Variants in GSK3B observed in about 807,000 individuals in gnomAD.
The protein encoded by GSK3B is glycogen synthase kinase-3 beta.
Under a neutral mutation model 56.4 loss-of-function variants are expected in GSK3B, and 15 were observed. That is an observed-to-expected ratio of 0.27 (90% CI 0.18 to 0.41). The LOEUF (loss-of-function observed/expected upper bound fraction) is 0.41, where lower values mean the gene tolerates loss of function less well. Among genes scored for constraint, GSK3B ranks in the 10% least tolerant of loss-of-function variants. The pLI, the probability that GSK3B is intolerant of heterozygous loss-of-function variation, is 1.00. For synonymous variants in GSK3B, 181 were observed against 188.9 expected, an observed-to-expected ratio of 0.96 and a Z score of 0.34; for missense variants, 300 against 513.4, an observed-to-expected ratio of 0.58 and a Z score of 4.02.
chr3:119,846,292 G>GAC (rs1374611657), intron 9 of GSK3B, among the ~76,000 whole-genome samples: 1 of 152,112 alleles, frequency 6.6e-6, no homozygotes, highest in African/African-American at 2.4e-5. Context: ...AGCCAAAATT[G>GAC]ACAAATGGTC....
At chr3:119,850,346 C>T (rs960501488) in intron 9 of GSK3B, among the ~76,000 whole-genome samples, 1 of 152,092 alleles carries the variant, frequency 6.6e-6, no homozygotes. Context: ...AACTTCTACA[C>T]CCCATTGTTC....
At chr3:120,013,466 C>G (rs2107500487) in intron 1 of GSK3B, among the ~76,000 whole-genome samples, 1 of 152,198 alleles carries the variant, frequency 6.6e-6, no homozygotes, top group South Asian at 2.1e-4. Context: ...AAAAGTCATG[C>G]CACAGTCTAA....
intron 3 of GSK3B, among the ~76,000 whole-genome samples, chr3:119,927,669 G>A (rs1037378482): frequency 1.3e-5 from 2 of 152,062 alleles, no homozygotes; most frequent in Admixed American, 6.6e-5. Context: ...AGAGGTCAAG[G>A]CAAAACTCAG....
At position 119,871,274 on chromosome 3, in the gene GSK3B, T is replaced by C. The variant is rs147856516; in HGVS notation, c.909+5139A>G. Among the ~76,000 whole-genome samples the C allele has an allele frequency of 8.5e-5, 13 of 152,326 alleles. No individual in the cohort carries two copies. The East Asian group carries it at 2.5e-3, about 29-fold the overall frequency. The stretch of plus-strand genomic sequence containing the variant: ...AGCCAGTTAGAAACACTAGTATTGA[T>C]TCACTATGAAGCATATTGACAGTGT... On this transcript the variant is annotated intron_variant, in intron 8 of 10. Coordinates refer to ENST00000264235, the MANE Select transcript of GSK3B (RefSeq NM_001146156.2).
At chr3:119,918,136 C>A (rs2056800265) in intron 4 of GSK3B, among the ~76,000 whole-genome samples, 1 of 152,006 alleles carries the variant, frequency 6.6e-6, no homozygotes, top group East Asian at 1.9e-4. Context: ...ATGTATTTTG[C>A]CATATTTTAT....
At chr3:119,908,613 T>G (rs1240612773) in intron 6 of GSK3B, among the ~76,000 whole-genome samples, 1 of 152,222 alleles carries the variant, frequency 6.6e-6, no homozygotes, top group East Asian at 1.9e-4. Context: ...ATATATGCCA[T>G]GTACCACAGC....
At chr3:119,975,198 G>C (rs1054652354) in intron 2 of GSK3B, among the ~76,000 whole-genome samples, 24 of 152,194 alleles carry the variant, frequency 1.6e-4, no homozygotes, top group Admixed American at 1.4e-3. Context: ...TGTAATCCCA[G>C]AACTTTGGAA....
At chr3:119,848,307 T>G (rs1484127253) in intron 9 of GSK3B, among the ~76,000 whole-genome samples, 2 of 152,212 alleles carry the variant, frequency 1.3e-5, no homozygotes, top group Non-Finnish European at 2.9e-5. Flanking sequence ...TGTCACAGTT[T>G]GAAGGAACAA....
chr3:120,052,199 A>G (rs1026629519), intron 1 of GSK3B, among the ~76,000 whole-genome samples: 2 of 152,250 alleles, frequency 1.3e-5, no homozygotes, highest in Non-Finnish European at 1.5e-5. Flanking sequence ...ACAGGGCTCT[A>G]AAATGTTTAA....
chr3:120,011,145 G>T (rs185495628), intron 1 of GSK3B, among the ~76,000 whole-genome samples: 116 of 152,236 alleles, frequency 7.6e-4, no homozygotes, highest in African/African-American at 2.5e-3. Context: ...ACTGTCTGGG[G>T]TCCAACCAAA....
chr3:119,968,855 G>A (rs945488786), intron 2 of GSK3B, among the ~76,000 whole-genome samples: 1 of 152,176 alleles, frequency 6.6e-6, no homozygotes, highest in African/African-American at 2.4e-5. Context: ...AGCAATTATA[G>A]TAAAGTTGCA....
chr3:119,988,833 C>T (rs1576251711), intron 2 of GSK3B, among the ~76,000 whole-genome samples: 1 of 152,132 alleles, frequency 6.6e-6, no homozygotes, highest in African/African-American at 2.4e-5. Flanking sequence ...ATTCTTGCTG[C>T]ACTGTATGCA....
intron 2 of GSK3B, among the ~76,000 whole-genome samples, chr3:120,001,514 T>C (rs1361040401): frequency 6.6e-6 from 1 of 152,222 alleles, no homozygotes; most frequent in Non-Finnish European, 1.5e-5. Flanking sequence ...TAGAAGCAGA[T>C]GTCTGCACCA....
intron 2 of GSK3B, among the ~76,000 whole-genome samples, chr3:119,965,508 A>C (rs965346076): frequency 1.3e-5 from 2 of 152,088 alleles, no homozygotes; most frequent in African/African-American, 4.8e-5. Flanking sequence ...CACCATGCCC[A>C]GCCTATGCTT....
chr3:120,074,630 C>T (rs548059587), intron 1 of GSK3B, among the ~76,000 whole-genome samples: 15 of 151,960 alleles, frequency 9.9e-5, no homozygotes, highest in African/African-American at 2.2e-4. Flanking sequence ...GAAACTGTTA[C>T]GAACAATTAC....
At chr3:120,079,905 A>C (rs2058403789) in intron 1 of GSK3B, among the ~76,000 whole-genome samples, 1 of 152,234 alleles carries the variant, frequency 6.6e-6, no homozygotes, top group Admixed American at 6.5e-5. Context: ...CACAATGCAC[A>C]CATTTAATCA....
In GSK3B at chr3:119,826,746, T is replaced by G; in HGVS notation, c.*42A>C. The G allele has an allele frequency of 7.8e-7, 1 of 1,289,668 alleles. No individual in the cohort carries two copies. The highest frequency in any genetic ancestry group is 1.1e-6 in the Non-Finnish European group (1 of 883,206). The allele number at this position is 1,289,668 out of a possible 1,614,324, so 79.9% of individuals were successfully genotyped here. A position where few individuals can be genotyped will look rare whatever the true frequency, so the allele number is the denominator to read the frequency against. ...CCAGTGTTGCTGAGTGACACTCAAG[T>G]AACTGGTGGTTTTTCCTGTGCAGCT... On this transcript the variant is annotated 3_prime_UTR_variant, in exon 11 of 11. Transcript: ENST00000264235.
At chr3:119,999,632 G>A (rs2057656382) in intron 2 of GSK3B, among the ~76,000 whole-genome samples, 1 of 152,146 alleles carries the variant, frequency 6.6e-6, no homozygotes, top group African/African-American at 2.4e-5. Context: ...AATTTCCTAG[G>A]TTATGGACAA....
rs1195120758 is a variant in GSK3B, at chr3:119,922,208, G to GGGAA, written c.477+1161_477+1164dup. On this transcript the variant is annotated intron_variant, in intron 4 of 10. Coordinates refer to ENST00000264235, the MANE Select transcript of GSK3B (RefSeq NM_001146156.2). ...AGGTAGGTAGGTAGGTAGGGAAGGAGGGAAGGAAGGAAGGAAGGAGGGAAG... is the reference window on the plus strand; with the variant it reads ...AGGTAGGTAGGTAGGTAGGGAAGGAGGGAAGGAAGGAAGGAAGGAAGGAGGGAAG... Among the ~76,000 whole-genome samples, 4 of 99,340 alleles carry GGGAA rather than the reference G, an allele frequency of 4.0e-5. No individual in the cohort carries two copies. The South Asian group carries it at 1.4e-3, about 35-fold the overall frequency. The allele number at this position is 99,340 out of a possible 152,430, so 65.2% of individuals were successfully genotyped here.
Sources: gnomAD v4.1 joint callset for allele counts (sites outside exome capture counted in the v4.1 genomes callset) on GRCh38, gnomAD v4.1.1 for gene constraint, MANE v1.5 for transcripts, NCBI Gene and HGNC (gene_info 2026-07-23, HGNC 2026-07-21) for gene names.